SYTL5: variants seen among roughly 807,000 people sequenced by gnomAD.
SYTL5 encodes the protein synaptotagmin-like protein 5.
Under a neutral mutation model 55.9 loss-of-function variants are expected in SYTL5, and 34 were observed. The observed-to-expected ratio is 0.61, with a 90% CI of 0.46 to 0.81. SYTL5 has a LOEUF of 0.81. Among genes scored for constraint, SYTL5 ranks in the 30% least tolerant of loss-of-function variants. The pLI is 0.00. For synonymous variants in SYTL5, 221 were observed against 188.7 expected (o/e 1.17, Z -1.40); for missense variants, 637 against 546.7 (o/e 1.17, Z -1.65).
At chrX:38,022,654 G>T (rs957458111) in intron 1 of SYTL5, among the ~76,000 whole-genome samples, 1 of 112,031 alleles carries the variant, frequency 8.9e-6, no homozygotes, top group Non-Finnish European at 1.9e-5. Context: ...TCTAATCCAG[G>T]CTAATCTCTT....
chrX:38,074,342 T>G (rs1936337120), intron 5 of SYTL5, among the ~76,000 whole-genome samples: 1 of 112,083 alleles, frequency 8.9e-6, no homozygotes, highest in Non-Finnish European at 1.9e-5. Context: ...TTGTTTCTCA[T>G]GCAGCTATTG....
intron 2 of SYTL5, among the ~76,000 whole-genome samples, chrX:38,053,378 G>T (rs1935678028): frequency 8.9e-6 from 1 of 112,482 alleles, no homozygotes; most frequent in African/African-American, 3.2e-5. Flanking sequence ...AATCATGAAG[G>T]AATATTATTA....
chrX:38,037,715 C>A (rs1935146074), intron 2 of SYTL5, among the ~76,000 whole-genome samples: 1 of 111,020 alleles, frequency 9.0e-6, no homozygotes, highest in Admixed American at 9.7e-5. Context: ...TAAGTACAAC[C>A]TAAATCAGTT....
At chrX:37,963,340 G>A in the SYTL5 span, among the ~76,000 whole-genome samples, 3 of 104,550 alleles carry the variant, frequency 2.9e-5, no homozygotes, top group East Asian at 8.9e-4. Context: ...CCAGGCTGGA[G>A]TGCAGTGGCG....
chrX:38,029,614 A>T (rs1462948543), intron 1 of SYTL5, among the ~76,000 whole-genome samples: 1 of 111,831 alleles, frequency 8.9e-6, no homozygotes, highest in Non-Finnish European at 1.9e-5. Flanking sequence ...GGTAAATTGA[A>T]CAATTTTCAA....
At chrX:37,973,637 C>CT in the SYTL5 span, among the ~76,000 whole-genome samples, 55 of 104,140 alleles carry the variant, frequency 5.3e-4, no homozygotes, top group South Asian at 9.1e-3. Flanking sequence ...ATATAAAACA[C>CT]TTTTTTTTTT....
chrX:38,028,081 C>T (rs1234725845), intron 1 of SYTL5, among the ~76,000 whole-genome samples: 3 of 111,522 alleles, frequency 2.7e-5, no homozygotes, highest in African/African-American at 9.8e-5. Context: ...ACCTCAGCCT[C>T]CCAAAGTGTT....
Position 38,054,236 on chromosome X carries a change from A to G in SYTL5, c.143A>G (p.Glu48Gly). The change falls in exon 3 of 17, where the codon GAA becomes GGA. Residue 48 changes from glutamate to glycine, a missense_variant. Transcript: ENST00000297875. ...RIRKLKNELL[E>G]AKRRSGKTQQ... is the part of the protein sequence containing the mutation. ...AGGAAGCTGAAAAATGAACTCTTAG[A>G]AGCAAAACGTAGAAGTGGGAAAACT... 8.3e-7 allele frequency: 1 copy of G among 1,210,176 alleles called. No homozygotes were observed. Among genetic ancestry groups the G allele is most frequent in the South Asian group, 1.8e-5 (1 of 56,674 alleles).
the SYTL5 span, among the ~76,000 whole-genome samples, chrX:37,983,364 A>G: frequency 8.9e-6 from 1 of 112,184 alleles, no homozygotes; most frequent in Admixed American, 9.4e-5. Context: ...AATAACCACA[A>G]GAAAGCTGGA....
intron 1 of SYTL5, among the ~76,000 whole-genome samples, chrX:38,030,280 C>T (rs887314493): frequency 4.5e-5 from 5 of 111,657 alleles, no homozygotes; most frequent in Non-Finnish European, 9.4e-5. Context: ...AAGTGAAAAA[C>T]GTTGGATAAT....
the SYTL5 span, among the ~76,000 whole-genome samples, chrX:37,969,796 GC>G: frequency 9.0e-6 from 1 of 111,076 alleles, no homozygotes; most frequent in Non-Finnish European, 1.9e-5. Flanking sequence ...ACTACAGCCG[GC>G]TAATTTTTGT....
the SYTL5 span, among the ~76,000 whole-genome samples, chrX:37,943,044 C>G: frequency 9.0e-6 from 1 of 111,529 alleles, no homozygotes; most frequent in African/African-American, 3.3e-5. Flanking sequence ...CAGTCAAGGC[C>G]CATCATCAAA....
At chrX:37,890,871 A>T in the SYTL5 span, among the ~76,000 whole-genome samples, 1 of 111,978 alleles carries the variant, frequency 8.9e-6, no homozygotes, top group Non-Finnish European at 1.9e-5. Flanking sequence ...GATGGCTATA[A>T]TAATAATTTT....
intron 2 of SYTL5, among the ~76,000 whole-genome samples, chrX:38,047,198 T>C (rs934758776): frequency 3.8e-4 from 43 of 112,691 alleles, no homozygotes; most frequent in African/African-American, 1.3e-3. Flanking sequence ...AGGGACTCTG[T>C]GTGGGGCTCC....
At chrX:38,025,861 G>C (rs939344993) in intron 1 of SYTL5, among the ~76,000 whole-genome samples, 2 of 112,124 alleles carry the variant, frequency 1.8e-5, no homozygotes, top group African/African-American at 3.2e-5. Context: ...CCAGATGCTG[G>C]TCTTCAGTGC....
At chrX:38,055,282 C>T (rs1935751830) in intron 3 of SYTL5, among the ~76,000 whole-genome samples, 1 of 111,862 alleles carries the variant, frequency 8.9e-6, no homozygotes. Flanking sequence ...GAGAACCTTC[C>T]CATTTGCCTC....
At chrX:38,124,539 C>T (rs191117587) in intron 15 of SYTL5, among the ~76,000 whole-genome samples, 1 of 112,147 alleles carries the variant, frequency 8.9e-6, no homozygotes, top group East Asian at 2.8e-4. Context: ...CCTAGAGCCT[C>T]ATACAGTGTT....
At chrX:38,014,278 C>A (rs940133542) in intron 1 of SYTL5, among the ~76,000 whole-genome samples, 2 of 111,785 alleles carry the variant, frequency 1.8e-5, no homozygotes, top group African/African-American at 6.5e-5. Context: ...TTTAATTCTA[C>A]AGTATATTAT....
At chrX:37,909,171 A>C in the SYTL5 span, among the ~76,000 whole-genome samples, 1 of 111,480 alleles carries the variant, frequency 9.0e-6, no homozygotes, top group East Asian at 2.8e-4. Context: ...AAAACTTAAA[A>C]AGTTGAAGCA....
Sources: gnomAD v4.1 joint callset for allele counts (sites outside exome capture counted in the v4.1 genomes callset) on GRCh38, gnomAD v4.1.1 for gene constraint, MANE v1.5 for transcripts, NCBI Gene and HGNC (gene_info 2026-07-23, HGNC 2026-07-21) for gene names.